The following ATRNL1 variants were observed in gnomAD, a reference collection of about 807,000 sequenced individuals.
The protein encoded by ATRNL1 is attractin-like protein 1.
In ATRNL1, 95 loss-of-function variants were observed where a neutral mutation model predicts 182.7. The observed-to-expected ratio is 0.52, with a 90% confidence interval of 0.44 to 0.62. ATRNL1 has a LOEUF of 0.62. ATRNL1 is among the 20% of genes least tolerant of loss of function. ATRNL1 has a pLI of 0.00. For missense variants in ATRNL1, 1,471 were observed against 1,679.5 expected (o/e 0.88, Z 2.17); for synonymous variants, 576 against 568.3 (o/e 1.01, Z -0.19).
chr10:115,172,526 C>G (rs1554885904), intron 8 of ATRNL1, among the ~76,000 whole-genome samples: 1 of 151,946 alleles, frequency 6.6e-6, no homozygotes, highest in Non-Finnish European at 1.5e-5. Flanking sequence ...GTTTTCCATC[C>G]TCCTTGAGCC....
At chr10:115,745,296 C>T (rs1555068880) in intron 27 of ATRNL1, among the ~76,000 whole-genome samples, 4 of 152,162 alleles carry the variant, frequency 2.6e-5, no homozygotes, top group African/African-American at 9.6e-5. Flanking sequence ...CCAACCATGC[C>T]ATTACGTATC....
rs782558127 is a variant in ATRNL1 at position 115,300,214 on chromosome 10, A to G, written c.2596A>G (p.Met866Val). 6.8e-6 allele frequency: 11 copies of G among 1,613,996 alleles called. No homozygotes were observed. The highest frequency in any genetic ancestry group is 1.1e-5 in the South Asian group (1 of 91,066). The change falls in exon 16 of 29, where the codon ATG becomes GTG. Residue 866 changes from methionine (M) to valine (V), a missense_variant. Physicochemically the swap from Met to Val is conservative, Grantham distance 21. Coordinates refer to ENST00000355044, the MANE Select transcript of ATRNL1 (RefSeq NM_207303.4). ...AGLKANPCTS[M>V]ANGLVCEKPV... ...CTTAAAAGCTAATCCTTGTACATCT[A>G]TGGCAAATGGCCTTGTCTGTGAAAA...
chr10:115,823,540 G>T (rs1383242036), intron 27 of ATRNL1, among the ~76,000 whole-genome samples: 1 of 152,154 alleles, frequency 6.6e-6, no homozygotes, highest in Non-Finnish European at 1.5e-5. Flanking sequence ...CATTGTCTCA[G>T]CCCAAAATCA....
chr10:115,390,650 C>T (rs1843970934), intron 19 of ATRNL1, among the ~76,000 whole-genome samples: 1 of 152,024 alleles, frequency 6.6e-6, no homozygotes, highest in African/African-American at 2.4e-5. Flanking sequence ...TCATTAATTT[C>T]CATATGAATT....
intron 1 of ATRNL1, among the ~76,000 whole-genome samples, chr10:115,106,318 T>C (rs1328235349): frequency 6.6e-6 from 1 of 152,234 alleles, no homozygotes; most frequent in African/African-American, 2.4e-5. Flanking sequence ...CCATTGTATC[T>C]AGGAAGTAAC....
intron 10 of ATRNL1, among the ~76,000 whole-genome samples, chr10:115,262,076 C>A (rs1036329589): frequency 6.6e-6 from 1 of 151,258 alleles, no homozygotes; most frequent in Admixed American, 6.6e-5. Flanking sequence ...ATACAAGAAA[C>A]AAAAACAAAA....
At chr10:115,333,031 C>T (rs1481410160) in intron 18 of ATRNL1, among the ~76,000 whole-genome samples, 1 of 152,150 alleles carries the variant, frequency 6.6e-6, no homozygotes, top group African/African-American at 2.4e-5. Context: ...ATGGTGTTTA[C>T]AGTGTTTAAA....
Position 115,598,350 on chromosome 10 carries a change from A to T in ATRNL1, c.3795+48814A>T, listed in dbSNP as rs11197328. Among the ~76,000 whole-genome samples the T allele has an allele frequency of 1.8e-3, 257 of 145,822 alleles. 5 individuals carry two copies. Among genetic ancestry groups the T allele is most frequent in the South Asian group, 9.1e-3 (42 of 4,604 alleles). ...CATTTTACATTATTTATTTAAAAAA[A>T]TTATTTATTTATTTATTTATTTATT... On this transcript the variant is annotated intron_variant, in intron 26 of 28. Transcript: ENST00000355044.
At chr10:115,309,084 C>T (rs538198518) in intron 17 of ATRNL1, among the ~76,000 whole-genome samples, 19 of 152,042 alleles carry the variant, frequency 1.2e-4, no homozygotes, top group Non-Finnish European at 1.9e-4. Flanking sequence ...GGCTTTATAT[C>T]TGGGTTCTCT....
intron 28 of ATRNL1, among the ~76,000 whole-genome samples, chr10:115,850,624 G>C (rs1951033105): frequency 6.6e-6 from 1 of 152,088 alleles, no homozygotes; most frequent in South Asian, 2.1e-4. Flanking sequence ...ATATGCCTGT[G>C]CTTATCCCAG....
intron 25 of ATRNL1, among the ~76,000 whole-genome samples, chr10:115,539,731 T>A (rs1461873564): frequency 6.6e-6 from 1 of 152,048 alleles, no homozygotes; most frequent in African/African-American, 2.4e-5. Context: ...GCAAAATGGC[T>A]CACAGTGGGA....
intron 26 of ATRNL1, among the ~76,000 whole-genome samples, chr10:115,619,477 G>A (rs1857607544): frequency 6.6e-6 from 1 of 152,122 alleles, no homozygotes; most frequent in South Asian, 2.1e-4. Flanking sequence ...TGTCAGGGGT[G>A]GGTGCTGGGT....
intron 13 of ATRNL1, among the ~76,000 whole-genome samples, chr10:115,271,165 T>TACACACACACACACACACACACAC (rs59638255): frequency 4.8e-5 from 7 of 145,918 alleles, no homozygotes; most frequent in African/African-American, 1.8e-4. Context: ...ACAAAGATAT[T>TACACACACACACACACACACACAC]ACACACACAC....
At position 115,364,467 on chromosome 10, in the gene ATRNL1, A is replaced by G. The variant is rs1309416119; in HGVS notation, c.3175+30048A>G. ...ATATACAATCATATCGTCTGCAAACAGGGACAATTTGACTTCCTCTTTTCC... is the reference window on the plus strand; with the variant it reads ...ATATACAATCATATCGTCTGCAAACGGGGACAATTTGACTTCCTCTTTTCC... On this transcript the variant is annotated intron_variant, in intron 19 of 28. Transcript: ENST00000355044. Among the ~76,000 whole-genome samples, 5 of 148,280 alleles carry G rather than the reference A, an allele frequency of 3.4e-5. 1 individual carries two copies. The highest frequency in any genetic ancestry group is 2.7e-4 in the Admixed American group (4 of 14,750).
intron 24 of ATRNL1, among the ~76,000 whole-genome samples, chr10:115,479,801 A>G (rs1380151694): frequency 2.6e-5 from 4 of 151,364 alleles, no homozygotes; most frequent in African/African-American, 9.7e-5. Flanking sequence ...AAAATAGAAA[A>G]AAGTACTACT....
chr10:115,178,600 G>C (rs1847626409), intron 8 of ATRNL1, among the ~76,000 whole-genome samples: 1 of 152,124 alleles, frequency 6.6e-6, no homozygotes, highest in Non-Finnish European at 1.5e-5. Flanking sequence ...CATTGCGGTA[G>C]TATTAAGAGG....
intron 10 of ATRNL1, among the ~76,000 whole-genome samples, chr10:115,251,383 C>T (rs1850870520): frequency 6.6e-6 from 1 of 152,154 alleles, no homozygotes; most frequent in African/African-American, 2.4e-5. Flanking sequence ...ATTTGTTAAG[C>T]CTGTTTATTC....
At chr10:115,509,213 C>T (rs1013117496) in intron 24 of ATRNL1, among the ~76,000 whole-genome samples, 1 of 152,046 alleles carries the variant, frequency 6.6e-6, no homozygotes, top group African/African-American at 2.4e-5. Context: ...AAAAAGACTT[C>T]TTTCAAAATA....
chr10:115,882,580 T>C (rs1951850807), intron 28 of ATRNL1, among the ~76,000 whole-genome samples: 1 of 152,192 alleles, frequency 6.6e-6, no homozygotes, highest in Non-Finnish European at 1.5e-5. Flanking sequence ...TCACACATTA[T>C]TGTCATCTTC....
Sources: allele counts gnomAD v4.1 joint callset (sites outside exome capture counted in the v4.1 genomes callset), GRCh38; gene constraint gnomAD v4.1.1; transcripts MANE v1.5; gene names NCBI Gene and HGNC (gene_info 2026-07-23, HGNC 2026-07-21).